Variants in ROBO1 observed in about 807,000 individuals in gnomAD.
ROBO1 encodes roundabout homolog 1.
In ROBO1, 149 loss-of-function variants were observed where a neutral mutation model predicts 195.9. That is an observed-to-expected ratio of 0.76 (90% CI 0.67 to 0.87). The LOEUF (loss-of-function observed/expected upper bound fraction) is 0.87. Among genes scored for constraint, ROBO1 ranks in the 40% least tolerant of loss-of-function variants. The pLI is 0.00. For synonymous variants in ROBO1, 816 were observed against 733.2 expected (o/e 1.11, Z -1.82); for missense variants, 1,933 against 2,068.3 (o/e 0.93, Z 1.27).
chr3:78,622,545 CTG>C (rs1025992986), intron 26 of ROBO1, among the ~76,000 whole-genome samples: 1 of 152,164 alleles, frequency 6.6e-6, no homozygotes, highest in African/African-American at 2.4e-5. Context: ...CCATGGCAGA[CTG>C]TATTCTACAA....
intron 4 of ROBO1, among the ~76,000 whole-genome samples, chr3:78,798,189 A>C (rs2084243429): frequency 6.6e-6 from 1 of 152,204 alleles, no homozygotes; most frequent in African/African-American, 2.4e-5. Flanking sequence ...TTTCAAGTAC[A>C]GAATATAGTG....
At chr3:79,477,448 T>A (rs1938602772) in intron 2 of ROBO1, among the ~76,000 whole-genome samples, 1 of 152,152 alleles carries the variant, frequency 6.6e-6, no homozygotes, top group South Asian at 2.1e-4. Flanking sequence ...AAACAGTAAG[T>A]CCTTGAACAT....
intron 8 of ROBO1, among the ~76,000 whole-genome samples, chr3:78,710,521 C>T (rs937010049): frequency 2.0e-5 from 3 of 152,136 alleles, no homozygotes; most frequent in Admixed American, 6.5e-5. Flanking sequence ...AATAATAACA[C>T]TCATAAGTCT....
intron 21 of ROBO1, among the ~76,000 whole-genome samples, chr3:78,641,155 T>C (rs1467122225): frequency 6.6e-6 from 1 of 152,174 alleles, no homozygotes; most frequent in Non-Finnish European, 1.5e-5. Context: ...GATGAACTCA[T>C]GTGGTCATCA....
intron 2 of ROBO1, among the ~76,000 whole-genome samples, chr3:79,127,300 C>T (rs963888017): frequency 1.3e-5 from 2 of 152,168 alleles, no homozygotes; most frequent in Non-Finnish European, 2.9e-5. Flanking sequence ...AGTCATCTTG[C>T]TCATGCAAAC....
chr3:79,566,699 T>C lies in ROBO1; in HGVS notation c.88+23125A>G, dbSNP rs191341210. 2.0e-3 allele frequency among the ~76,000 whole-genome samples: 305 copies of C among 152,150 alleles called. 1 individual carries two copies. The highest frequency in any genetic ancestry group is 3.7e-3 in the Non-Finnish European group (251 of 67,984). On this transcript the variant is annotated intron_variant, in intron 2 of 30. Coordinates refer to ENST00000464233, the MANE Select transcript of ROBO1 (RefSeq NM_002941.4). ...TATAAAACAGTGATATGCCTGATCA[T>C]TAGAGAAATGCAAAATCAAAACCAC...
At chr3:79,097,200 A>G (rs1433532475) in intron 3 of ROBO1, among the ~76,000 whole-genome samples, 1 of 151,826 alleles carries the variant, frequency 6.6e-6, no homozygotes, top group Non-Finnish European at 1.5e-5. Context: ...ATACAAACAT[A>G]TTTCATACGA....
intron 2 of ROBO1, among the ~76,000 whole-genome samples, chr3:79,546,175 ATTT>A (rs1346384180): frequency 2.6e-5 from 4 of 152,052 alleles, no homozygotes; most frequent in African/African-American, 9.7e-5. Flanking sequence ...TATAGTAAAT[ATTT>A]TTCTCATGAC....
intron 2 of ROBO1, among the ~76,000 whole-genome samples, chr3:79,288,379 T>A (rs1371897811): frequency 2.6e-5 from 4 of 152,130 alleles, no homozygotes; most frequent in African/African-American, 7.2e-5. Context: ...CTTTAAAACA[T>A]AAGCCACAGT....
At chr3:79,188,516 C>G (rs2081481697) in intron 2 of ROBO1, among the ~76,000 whole-genome samples, 1 of 151,734 alleles carries the variant, frequency 6.6e-6, no homozygotes, top group Admixed American at 6.6e-5. Flanking sequence ...ATCACTTCTA[C>G]TGTTTGGATG....
chr3:79,437,659 T>C (rs2038931156), intron 2 of ROBO1, among the ~76,000 whole-genome samples: 1 of 151,950 alleles, frequency 6.6e-6, no homozygotes, highest in African/African-American at 2.4e-5. Flanking sequence ...ACATCCTACA[T>C]ATGTACTGTA....
chr3:79,690,970 C>T (rs1947281751), intron 1 of ROBO1, among the ~76,000 whole-genome samples: 1 of 151,840 alleles, frequency 6.6e-6, no homozygotes, highest in Non-Finnish European at 1.5e-5. Context: ...AGGCACTTTA[C>T]ATATATAATT....
intron 3 of ROBO1, among the ~76,000 whole-genome samples, chr3:79,052,037 A>G (rs2078709726): frequency 6.6e-6 from 1 of 152,102 alleles, no homozygotes; most frequent in Admixed American, 6.5e-5. Context: ...ACAGGATAAC[A>G]GCGATTTTCA....
chr3:78,737,848 T>C (rs1341123315), intron 5 of ROBO1, among the ~76,000 whole-genome samples: 1 of 152,170 alleles, frequency 6.6e-6, no homozygotes, highest in Non-Finnish European at 1.5e-5. Flanking sequence ...CATTGACACT[T>C]TATGTAAGAT....
intron 6 of ROBO1, 107 bp from the exon 7 acceptor site, chr3:78,717,520 G>C (rs1576009694): frequency 1.9e-6 from 2 of 1,078,808 alleles, no homozygotes; most frequent in Non-Finnish European, 1.4e-6. Context: ...TATCAGCGAG[G>C]AAATTATTCC....
At chr3:79,240,866 C>T (rs1471719753) in intron 2 of ROBO1, among the ~76,000 whole-genome samples, 2 of 152,042 alleles carry the variant, frequency 1.3e-5, no homozygotes, top group African/African-American at 2.4e-5. Flanking sequence ...TGTTCTCAAA[C>T]TCCTGGGTTC....
At chr3:79,089,644 TCTCA>T (rs1283088020) in intron 3 of ROBO1, among the ~76,000 whole-genome samples, 2 of 152,168 alleles carry the variant, frequency 1.3e-5, no homozygotes, top group Non-Finnish European at 2.9e-5. Context: ...CAATACATAC[TCTCA>T]CTAACAGTTA....
At chr3:79,542,946 GA>G (rs1942130729) in intron 2 of ROBO1, among the ~76,000 whole-genome samples, 2 of 151,924 alleles carry the variant, frequency 1.3e-5, no homozygotes, top group Non-Finnish European at 2.9e-5. Flanking sequence ...AATTTCACAA[GA>G]ATATCACATT....
chr3:78,735,202 T>C lies in ROBO1; in HGVS notation c.657+11541A>G, dbSNP rs548626620. Among the ~76,000 whole-genome samples the C allele has an allele frequency of 2.0e-5, 3 of 152,316 alleles. No individual in the cohort carries two copies. In the East Asian group the frequency reaches 5.8e-4, roughly 29 times the overall value. ...CCAAGTTATTAAATTCAGTGTAGAA[T>C]GAACATGAACTGAAAATCAAGACAG... On this transcript the variant is annotated intron_variant, in intron 5 of 30. Transcript: ENST00000464233.
Sources: allele counts gnomAD v4.1 joint callset (sites outside exome capture counted in the v4.1 genomes callset), GRCh38; gene constraint gnomAD v4.1.1; transcripts MANE v1.5; gene names NCBI Gene and HGNC (gene_info 2026-07-23, HGNC 2026-07-21).